Variants in DIRAS2 observed in about 807,000 individuals in gnomAD.
DIRAS2 encodes DIRAS family GTPase 2.
Under a neutral mutation model 13.9 loss-of-function variants are expected in DIRAS2, and 5 were observed. The observed-to-expected ratio is 0.36, with a 90% confidence interval of 0.19 to 0.76. The LOEUF (loss-of-function observed/expected upper bound fraction) is 0.76. DIRAS2 is among the 30% of genes least tolerant of loss of function. The pLI is 0.53. For missense variants in DIRAS2, 191 were observed against 263.0 expected (o/e 0.73, Z 1.89); for synonymous variants, 111 against 105.4 (o/e 1.05, Z -0.33).
chr9:90,641,714 C>G (rs1413994894), intron 1 of DIRAS2, among the ~76,000 whole-genome samples: 1 of 152,130 alleles, frequency 6.6e-6, no homozygotes, highest in Non-Finnish European at 1.5e-5. Flanking sequence ...CACATTGTGA[C>G]TGATTTGAAA....
At chr9:90,631,863 G>A (rs1055056839) in intron 1 of DIRAS2, among the ~76,000 whole-genome samples, 10 of 152,050 alleles carry the variant, frequency 6.6e-5, no homozygotes, top group South Asian at 2.1e-4. Context: ...TGTAACACCC[G>A]AAACTGCTCC....
At chr9:90,636,102 A>C (rs1825368466) in intron 1 of DIRAS2, among the ~76,000 whole-genome samples, 1 of 121,506 alleles carries the variant, frequency 8.2e-6, no homozygotes, top group South Asian at 2.7e-4. Flanking sequence ...CAGTGGTGCG[A>C]TCTTGGCTCA....
chr9:90,613,025 C>A lies in DIRAS2; in HGVS notation c.*203G>T, dbSNP rs763513597. ...TGAGTGTGTTGGTTTTCACTTGAAC[C>A]GCCTGGCAGATTCTGTGACTCCAGA... On this transcript the variant is annotated 3_prime_UTR_variant, in exon 2 of 2. Coordinates refer to ENST00000375765, the MANE Select transcript of DIRAS2 (RefSeq NM_017594.5). The surrounding 1 kb of genome is among the most constrained non-coding windows in gnomAD (Gnocchi z 5.6). The A allele has an allele frequency of 1.6e-5, 11 of 674,736 alleles. No homozygotes were observed. The highest frequency in any genetic ancestry group is 3.6e-5 in the African/African-American group (2 of 55,352). The allele number at this position is 674,736 out of a possible 1,614,324, so 41.8% of individuals were successfully genotyped here. A position where few individuals can be genotyped will look rare whatever the true frequency, so the allele number is the denominator to read the frequency against.
At chr9:90,626,490 G>T (rs1403031848) in intron 1 of DIRAS2, among the ~76,000 whole-genome samples, 22 of 146,816 alleles carry the variant, frequency 1.5e-4, no homozygotes, top group Non-Finnish European at 1.5e-5. Flanking sequence ...TTTCTCTATA[G>T]AATACATACA....
chr9:90,610,495 C>T lies in DIRAS2; in HGVS notation c.*2733G>A, dbSNP rs1314694303. 2.5e-6 allele frequency: 1 copy of T among 398,820 alleles called. No homozygotes were observed. Among genetic ancestry groups the T allele is most frequent in the Non-Finnish European group, 4.4e-6 (1 of 226,042 alleles). The allele number at this position is 398,820 out of a possible 1,614,324, so 24.7% of individuals were successfully genotyped here. A position where few individuals can be genotyped will look rare whatever the true frequency, so the allele number is the denominator to read the frequency against. On this transcript the variant is annotated 3_prime_UTR_variant, in exon 2 of 2. Coordinates refer to ENST00000375765, the MANE Select transcript of DIRAS2 (RefSeq NM_017594.5). ...AGCCCCATGCTCATGCCCAGAGCGCCATCTTCAAAGCAATATTTAATTAAA... is the reference window on the plus strand; with the variant it reads ...AGCCCCATGCTCATGCCCAGAGCGCTATCTTCAAAGCAATATTTAATTAAA...
chr9:90,612,078 C>T lies in DIRAS2; in HGVS notation c.*1150G>A, dbSNP rs1309797217. The T allele has an allele frequency of 6.6e-6, 1 of 152,634 alleles. No individual in the cohort carries two copies. Among genetic ancestry groups the T allele is most frequent in the Non-Finnish European group, 1.5e-5 (1 of 68,044 alleles). 9.5% of individuals were successfully genotyped at this position (152,634 alleles called of 1,614,324 possible). ...AGAGTGAATACTGTATTGAACAGCTCTTAGAAGACACGTATAATGGAACAT... is the reference window on the plus strand; with the variant it reads ...AGAGTGAATACTGTATTGAACAGCTTTTAGAAGACACGTATAATGGAACAT... On this transcript the variant is annotated 3_prime_UTR_variant, in exon 2 of 2. Transcript: ENST00000375765.
At chr9:90,635,122 G>A (rs1316701814) in intron 1 of DIRAS2, among the ~76,000 whole-genome samples, 1 of 152,196 alleles carries the variant, frequency 6.6e-6, no homozygotes, top group East Asian at 1.9e-4. Flanking sequence ...TCAAGTTTAG[G>A]TAAGTCCAAA....
At chr9:90,627,488 G>C (rs1330249371) in intron 1 of DIRAS2, among the ~76,000 whole-genome samples, 2 of 152,188 alleles carry the variant, frequency 1.3e-5, no homozygotes, top group Non-Finnish European at 2.9e-5. Flanking sequence ...AATTCACAGA[G>C]AGAAATAAGA....
chr9:90,613,311 TC>T lies in DIRAS2; in HGVS notation c.516del (p.Thr173ProfsTer2). 6.2e-7 allele frequency: 1 copy of T among 1,613,950 alleles called. No homozygotes were observed. The highest frequency in any genetic ancestry group is 8.5e-7 in the Non-Finnish European group (1 of 1,180,014). ...TTCCCGTCGATCTGGAGACTCACGG[TC>T]CTGCGCTTCTCCAGGTTGAGCAGCT... is the stretch of plus-strand genomic sequence containing the variant. ...FQELLNLEKR[R>X]TVSLQIDGKK... On this transcript the variant is annotated frameshift_variant, in exon 2 of 2. Transcript: ENST00000375765. LOFTEE classifies it high-confidence loss of function. This position sits in a 1 kb window ranked among gnomAD's most constrained non-coding sequence, Gnocchi z 5.6.
At chr9:90,634,052 T>A (rs1029469879) in intron 1 of DIRAS2, among the ~76,000 whole-genome samples, 1 of 152,182 alleles carries the variant, frequency 6.6e-6, no homozygotes, top group East Asian at 1.9e-4. Context: ...ACTAGCAAGA[T>A]CAAGTGTAAG....
At chr9:90,631,125 G>A (rs1825320935) in intron 1 of DIRAS2, among the ~76,000 whole-genome samples, 1 of 152,142 alleles carries the variant, frequency 6.6e-6, no homozygotes, top group Admixed American at 6.5e-5. Flanking sequence ...GACCAGGGAA[G>A]GACTCCCTGA....
chr9:90,619,260 T>C (rs969278755), intron 1 of DIRAS2, among the ~76,000 whole-genome samples: 2 of 151,890 alleles, frequency 1.3e-5, no homozygotes, highest in Non-Finnish European at 2.9e-5. Flanking sequence ...GCCAACATGG[T>C]GAAACCCCGT....
chr9:90,622,751 C>T (rs771068703), intron 1 of DIRAS2, among the ~76,000 whole-genome samples: 1 of 152,068 alleles, frequency 6.6e-6, no homozygotes, highest in African/African-American at 2.4e-5. Flanking sequence ...TTGTGTTTTT[C>T]CTTTCTCTTT....
At chr9:90,640,330 T>A (rs1414647065) in intron 1 of DIRAS2, among the ~76,000 whole-genome samples, 3 of 152,162 alleles carry the variant, frequency 2.0e-5, no homozygotes, top group Non-Finnish European at 2.9e-5. Flanking sequence ...AAGGAGAGAA[T>A]GAGGGAGCAT....
At chr9:90,638,636 A>ATGTG (rs10599969) in intron 1 of DIRAS2, among the ~76,000 whole-genome samples, 50 of 148,780 alleles carry the variant, frequency 3.4e-4, no homozygotes, top group South Asian at 1.9e-3. Flanking sequence ...TCCATTGATC[A>ATGTG]TGTGTGTGTG....
chr9:90,611,498 C>A lies in DIRAS2; in HGVS notation c.*1730G>T, dbSNP rs933181250. On this transcript the variant is annotated 3_prime_UTR_variant, in exon 2 of 2. Coordinates refer to ENST00000375765, the MANE Select transcript of DIRAS2 (RefSeq NM_017594.5). ...TGAGATCAGGACAAGGGAACTGAAC[C>A]AGAAAAGGCTGAAGAAAACTAGGAC... 6 of 152,606 alleles carry A rather than the reference C, an allele frequency of 3.9e-5. No homozygotes were observed. The highest frequency in any genetic ancestry group is 1.2e-4 in the African/African-American group (5 of 41,430). The allele number at this position is 152,606 out of a possible 1,614,324, so 9.5% of individuals were successfully genotyped here. A position where few individuals can be genotyped will look rare whatever the true frequency, so the allele number is the denominator to read the frequency against.
chr9:90,637,557 G>A (rs1180169942), intron 1 of DIRAS2, among the ~76,000 whole-genome samples: 1 of 152,184 alleles, frequency 6.6e-6, no homozygotes, highest in African/African-American at 2.4e-5. Context: ...ATAATATGGT[G>A]TATTATCAAA....
At chr9:90,623,695 C>T (rs1248340740) in intron 1 of DIRAS2, among the ~76,000 whole-genome samples, 1 of 152,158 alleles carries the variant, frequency 6.6e-6, no homozygotes, top group East Asian at 1.9e-4. Flanking sequence ...TCAGGCAAAA[C>T]AAACCCACAG....
At chr9:90,632,170 C>T (rs1024612028) in intron 1 of DIRAS2, among the ~76,000 whole-genome samples, 1 of 152,224 alleles carries the variant, frequency 6.6e-6, no homozygotes, top group Non-Finnish European at 1.5e-5. Context: ...ACTCAGGCTG[C>T]AGGACACGTC....
Sources: gnomAD v4.1 joint callset for allele counts (sites outside exome capture counted in the v4.1 genomes callset) on GRCh38, gnomAD v4.1.1 for gene constraint, Gnocchi (gnomAD v3.1) non-coding constraint, MANE v1.5 for transcripts, NCBI Gene and HGNC (gene_info 2026-07-23, HGNC 2026-07-21) for gene names.